The following JHY variants were observed in gnomAD, a reference collection of about 807,000 sequenced individuals.
JHY encodes the protein junctional cadherin complex regulator, also known as jhy protein homolog.
In JHY, 69 loss-of-function variants were observed where a neutral mutation model predicts 78.0. The observed-to-expected ratio is 0.88, with a 90% CI of 0.73 to 1.08. JHY has a LOEUF of 1.08. Ranked by LOEUF, JHY falls within the 50% of genes least tolerant of loss-of-function variation. JHY has a pLI of 0.00. For synonymous variants in JHY, 368 were observed against 342.6 expected (o/e 1.07, Z -0.82); for missense variants, 944 against 927.8 (o/e 1.02, Z -0.23).
chr11:122,940,386 A>G (rs983285488), intron 5 of JHY, among the ~76,000 whole-genome samples: 3 of 152,212 alleles, frequency 2.0e-5, no homozygotes, highest in Non-Finnish European at 4.4e-5. Context: ...CTCACTTTTC[A>G]TTGTTTTCTA....
At chr11:122,945,348 TCTGTTCTTTTTCCA>T (rs1863942685) in intron 5 of JHY, among the ~76,000 whole-genome samples, 1 of 152,222 alleles carries the variant, frequency 6.6e-6, no homozygotes, top group Non-Finnish European at 1.5e-5. Context: ...TTAAAACCTC[TCTGTTCTTTTTCCA>T]AAATACAGGA....
At chr11:122,929,596 C>T (rs138005976) in intron 4 of JHY, among the ~76,000 whole-genome samples, 1 of 152,080 alleles carries the variant, frequency 6.6e-6, no homozygotes, top group African/African-American at 2.4e-5. Flanking sequence ...AGAGATTGTT[C>T]GCAATCTAAG....
intron 3 of JHY, among the ~76,000 whole-genome samples, chr11:122,924,034 G>C (rs915718553): frequency 6.6e-6 from 1 of 151,786 alleles, no homozygotes; most frequent in African/African-American, 2.4e-5. Context: ...ACTGCGCCTG[G>C]ACTTTTTAAA....
intron 4 of JHY, chr11:122,927,263 A>G (rs905117277): frequency 6.6e-6 from 1 of 152,230 alleles, no homozygotes; most frequent in African/African-American, 2.4e-5. Context: ...TTTTGTATGG[A>G]AGAAAATCAG....
In JHY at chr11:122,934,324, A is replaced by G. The variant is rs913470434; in HGVS notation, c.979-96A>G. On this transcript the variant is annotated intron_variant, in intron 4 of 8. Transcript: ENST00000227349. ...GTGAGACTCCGTCTCAAATAAATAA[A>G]TAAATAAATAAATAAATAAATAAAT... is the stretch of plus-strand genomic sequence containing the variant. 1.5e-5 allele frequency: 8 copies of G among 549,368 alleles called. No individual in the cohort carries two copies. The African/African-American group carries it at 1.5e-4, about 10-fold the overall frequency. The allele number at this position is 549,368 out of a possible 1,614,324, so 34.0% of individuals were successfully genotyped here.
chr11:122,892,480 G>T (rs1054960677), intron 2 of JHY, among the ~76,000 whole-genome samples: 1 of 151,960 alleles, frequency 6.6e-6, no homozygotes, highest in Admixed American at 6.6e-5. Flanking sequence ...GTGCCACCAT[G>T]CCTGGCTAAT....
At chr11:122,897,810 G>C (rs1321158186) in intron 2 of JHY, among the ~76,000 whole-genome samples, 1 of 152,144 alleles carries the variant, frequency 6.6e-6, no homozygotes, top group South Asian at 2.1e-4. Context: ...TAAATACCAC[G>C]ACCAGTATGA....
intron 3 of JHY, among the ~76,000 whole-genome samples, chr11:122,916,108 A>T (rs958572864): frequency 2.6e-5 from 4 of 152,148 alleles, no homozygotes; most frequent in African/African-American, 9.7e-5. Flanking sequence ...AATAAATTCT[A>T]ATATTCCATA....
At position 122,962,954 on chromosome 11, in the gene JHY, A is replaced by G. The variant is rs1013104080; in HGVS notation, c.*3509A>G. Among the ~76,000 whole-genome samples, 6 of 151,966 alleles carry G rather than the reference A, an allele frequency of 3.9e-5. No individual in the cohort carries two copies. Among genetic ancestry groups the G allele is most frequent in the African/African-American group, 1.4e-4 (6 of 41,392 alleles). ...TTGTCCTTGTTTCTCTGTGTGGATG[A>G]GCAACATATAGTTGCTATGAATTTC... On this transcript the variant is annotated 3_prime_UTR_variant, in exon 9 of 9. Coordinates refer to ENST00000227349, the MANE Select transcript of JHY (RefSeq NM_024806.4).
intron 4 of JHY, among the ~76,000 whole-genome samples, chr11:122,929,846 C>G (rs1863600212): frequency 7.1e-6 from 1 of 141,710 alleles, no homozygotes; most frequent in Non-Finnish European, 1.6e-5. Context: ...TCCATACTAG[C>G]AATTTTTCTG....
chr11:122,887,973 G>T (rs139280019), intron 2 of JHY, among the ~76,000 whole-genome samples: 5 of 152,070 alleles, frequency 3.3e-5, no homozygotes, highest in Non-Finnish European at 7.4e-5. Context: ...GCAAGGGCTC[G>T]TGTGGGAGCG....
rs200031235 is a variant in JHY, at chr11:122,950,285, C to T, written c.1929+3493C>T. ...CTTGACTGGGAAGCTGGACATCATC[C>T]GTATTATTTCTATAAGGACATGTAT... On this transcript the variant is annotated intron_variant, in intron 6 of 8. Coordinates refer to ENST00000227349, the MANE Select transcript of JHY (RefSeq NM_024806.4). 3.9e-5 allele frequency among the ~76,000 whole-genome samples: 6 copies of T among 152,208 alleles called. No homozygotes were observed. In the East Asian group the frequency reaches 5.8e-4, roughly 15 times the overall value.
chr11:122,922,775 A>G (rs1479048306), intron 3 of JHY, among the ~76,000 whole-genome samples: 2 of 139,284 alleles, frequency 1.4e-5, no homozygotes, highest in Non-Finnish European at 3.0e-5. Flanking sequence ...GTGCCACTGC[A>G]CTCCAGCCTG....
chr11:122,946,903 C>A, intron 6 of JHY, 111 bp downstream of exon 6: 1 of 1,321,896 alleles, frequency 7.6e-7, no homozygotes, highest in Non-Finnish European at 1.0e-6. Flanking sequence ...GTTGCTGCCA[C>A]ACTGGGTCGC....
intron 5 of JHY, among the ~76,000 whole-genome samples, chr11:122,944,081 C>T (rs1450568733): frequency 6.6e-6 from 1 of 152,078 alleles, no homozygotes; most frequent in Non-Finnish European, 1.5e-5. Context: ...CCTGTGGTCA[C>T]AACTAATCAG....
At chr11:122,891,129 T>C (rs2135284676) in intron 2 of JHY, among the ~76,000 whole-genome samples, 1 of 152,322 alleles carries the variant, frequency 6.6e-6, no homozygotes, top group Middle Eastern at 3.4e-3. Flanking sequence ...TTTATGTCTG[T>C]AAAGTAGATG....
intron 2 of JHY, among the ~76,000 whole-genome samples, chr11:122,896,076 C>T (rs1261066003): frequency 6.6e-6 from 1 of 152,172 alleles, no homozygotes; most frequent in Non-Finnish European, 1.5e-5. Context: ...TCTTCAGGCT[C>T]TACCCTTATA....
At chr11:122,939,791 A>T (rs879289313) in intron 5 of JHY, among the ~76,000 whole-genome samples, 9 of 152,280 alleles carry the variant, frequency 5.9e-5, no homozygotes, top group Admixed American at 6.5e-5. Context: ...TCAGAATCAC[A>T]ATATTTTATC....
Position 122,956,508 on chromosome 11 carries a change from A to C in JHY, c.1942A>C (p.Lys648Gln). The C allele has an allele frequency of 6.2e-7, 1 of 1,613,508 alleles. No individual in the cohort carries two copies. Among genetic ancestry groups the C allele is most frequent in the Middle Eastern group, 1.7e-4 (1 of 6,058 alleles). Residue 648 changes from lysine (K) to glutamine (Q), a missense_variant, in exon 7 of 9, where the codon AAA becomes CAA. Physicochemically the swap from Lys to Gln is moderately conservative, Grantham distance 53. Coordinates refer to ENST00000227349, the MANE Select transcript of JHY (RefSeq NM_024806.4). Reference protein sequence around the residue: ...KRSSSKNTKLKGYQKRDVKLG... With the variant: ...KRSSSKNTKLQGYQKRDVKLG... ...GTTGTATTTTTAGAACACCAAGCTG[A>C]AAGGTTATCAGAAAAGAGACGTGAA...
Sources: allele counts gnomAD v4.1 joint callset (sites outside exome capture counted in the v4.1 genomes callset), GRCh38; gene constraint gnomAD v4.1.1; transcripts MANE v1.5; gene names NCBI Gene and HGNC (gene_info 2026-07-23, HGNC 2026-07-21).